Variants in HS6ST3 observed in about 807,000 individuals in gnomAD.
HS6ST3 encodes heparan-sulfate 6-O-sulfotransferase 3.
Under a neutral mutation model 36.7 loss-of-function variants are expected in HS6ST3, and 12 were observed. The ratio of observed to expected loss-of-function variants is 0.33; its 90% CI spans 0.21 to 0.53. The LOEUF is 0.53. Ranked by LOEUF, HS6ST3 falls within the 20% of genes least tolerant of loss-of-function variation. The pLI is 0.95. For synonymous variants in HS6ST3, 240 were observed against 257.5 expected, an observed-to-expected ratio of 0.93 and a Z score of 0.65; for missense variants, 584 against 640.9, an observed-to-expected ratio of 0.91 and a Z score of 0.96.
chr13:96,791,335 A>G (rs954852243), intron 1 of HS6ST3, among the ~76,000 whole-genome samples: 20 of 152,036 alleles, frequency 1.3e-4, no homozygotes, highest in African/African-American at 4.6e-4. Context: ...AACGATTAAT[A>G]TAAGTACCTA....
At chr13:96,703,254 C>T (rs543391458) in intron 1 of HS6ST3, among the ~76,000 whole-genome samples, 250 of 152,296 alleles carry the variant, frequency 1.6e-3, no homozygotes, top group African/African-American at 5.7e-3. Context: ...GATCTATTGA[C>T]GTCGGCATTG....
chr13:96,832,441 T>C (rs1024574682), intron 1 of HS6ST3, 49 bp from the exon 2 acceptor site: 4 of 1,359,436 alleles, frequency 2.9e-6, no homozygotes, highest in Non-Finnish European at 4.0e-6. Flanking sequence ...TTTAGATACC[T>C]CCTGTTAGAG....
chr13:96,093,472 C>G (rs1201811041), intron 1 of HS6ST3, among the ~76,000 whole-genome samples: 2 of 152,024 alleles, frequency 1.3e-5, no homozygotes, highest in Non-Finnish European at 2.9e-5. Context: ...AGTGTATGAT[C>G]AAGTTATTTT....
chr13:96,698,126 T>C (rs1225854193), intron 1 of HS6ST3, among the ~76,000 whole-genome samples: 3 of 152,222 alleles, frequency 2.0e-5, no homozygotes, highest in African/African-American at 4.8e-5. Flanking sequence ...ACATGTGCCA[T>C]GTTGGTGTGC....
At chr13:96,400,001 T>C (rs746265973) in intron 1 of HS6ST3, among the ~76,000 whole-genome samples, 3 of 152,202 alleles carry the variant, frequency 2.0e-5, no homozygotes, top group Non-Finnish European at 4.4e-5. Flanking sequence ...CTTATCATTT[T>C]CACTTCTAGG....
intron 1 of HS6ST3, among the ~76,000 whole-genome samples, chr13:96,250,140 A>T (rs1485204851): frequency 6.6e-6 from 1 of 152,212 alleles, no homozygotes; most frequent in Non-Finnish European, 1.5e-5. Context: ...AATTCTATAG[A>T]TAGAAGCTGT....
intron 1 of HS6ST3, among the ~76,000 whole-genome samples, chr13:96,160,942 C>T (rs145898656): frequency 6.6e-6 from 1 of 152,196 alleles, no homozygotes; most frequent in African/African-American, 2.4e-5. Flanking sequence ...AGAGGTAATT[C>T]CTGTTTGCTA....
chr13:96,424,443 A>G (rs2139470148), intron 1 of HS6ST3, among the ~76,000 whole-genome samples: 1 of 152,356 alleles, frequency 6.6e-6, no homozygotes, highest in South Asian at 2.1e-4. Context: ...CTTTTACATA[A>G]TGAATTTACA....
At chr13:96,393,618 A>T (rs2055406924) in intron 1 of HS6ST3, among the ~76,000 whole-genome samples, 1 of 152,218 alleles carries the variant, frequency 6.6e-6, no homozygotes, top group African/African-American at 2.4e-5. Flanking sequence ...AAAGAAGAGA[A>T]AGGTAAGCAC....
chr13:96,510,086 TTTTTATTTTATTTTATTTTATTTTA>T (rs150117554), intron 1 of HS6ST3, among the ~76,000 whole-genome samples: 2,873 of 141,674 alleles, frequency 0.02, 125 homozygotes, highest in East Asian at 0.099. Flanking sequence ...TTCCTAGGTA[TTTTTATTTTATTTTATTTTATTTTA>T]TTTTATTTTA....
chr13:96,103,378 G>A (rs1413240783), intron 1 of HS6ST3, among the ~76,000 whole-genome samples: 1 of 152,164 alleles, frequency 6.6e-6, no homozygotes, highest in Admixed American at 6.5e-5. Context: ...ATCATTTCCT[G>A]CCAACATATC....
chr13:96,247,823 T>C (rs2054591281), intron 1 of HS6ST3, among the ~76,000 whole-genome samples: 1 of 152,142 alleles, frequency 6.6e-6, no homozygotes, highest in Non-Finnish European at 1.5e-5. Flanking sequence ...CTAATGTACA[T>C]ACTGCATACA....
intron 1 of HS6ST3, among the ~76,000 whole-genome samples, chr13:96,105,909 A>G (rs1159722584): frequency 1.3e-5 from 2 of 152,184 alleles, no homozygotes; most frequent in African/African-American, 4.8e-5. Context: ...TTACATCACA[A>G]CATTTTAGTT....
chr13:96,201,433 A>G (rs929055390), intron 1 of HS6ST3, among the ~76,000 whole-genome samples: 15 of 152,296 alleles, frequency 9.8e-5, no homozygotes, highest in African/African-American at 3.6e-4. Context: ...AAATAGCAAC[A>G]TTAAAAAATT....
At chr13:96,494,394 G>A (rs1199541246) in intron 1 of HS6ST3, among the ~76,000 whole-genome samples, 3 of 127,040 alleles carry the variant, frequency 2.4e-5, no homozygotes, top group African/African-American at 8.8e-5. Flanking sequence ...GCCTGTTGTG[G>A]GGTGGGGGGA....
chr13:96,215,658 G>A (rs560929435), intron 1 of HS6ST3, among the ~76,000 whole-genome samples: 87 of 150,904 alleles, frequency 5.8e-4, no homozygotes, highest in Middle Eastern at 3.4e-3. Context: ...GAATTTTTTC[G>A]TTTTTTTTCC....
chr13:96,769,301 A>G (rs572787368), intron 1 of HS6ST3, among the ~76,000 whole-genome samples: 133 of 152,028 alleles, frequency 8.7e-4, no homozygotes, highest in Admixed American at 2.2e-3. Flanking sequence ...TTATTTATTT[A>G]TTTTTTTATT....
At chr13:96,203,143 C>T (rs1474268094) in intron 1 of HS6ST3, among the ~76,000 whole-genome samples, 3 of 152,170 alleles carry the variant, frequency 2.0e-5, no homozygotes, top group Non-Finnish European at 4.4e-5. Flanking sequence ...AAGATATAAA[C>T]ACGGCCCTAC....
At chr13:96,573,931 G>A (rs2056310670) in intron 1 of HS6ST3, 1 of 525,346 alleles carries the variant, frequency 1.9e-6, no homozygotes, top group African/African-American at 2.0e-5. Context: ...ATCCGGAGGT[G>A]ACTGCACAGA....
Sources: gnomAD v4.1 joint callset for allele counts (sites outside exome capture counted in the v4.1 genomes callset) on GRCh38, gnomAD v4.1.1 for gene constraint, MANE v1.5 for transcripts, NCBI Gene and HGNC (gene_info 2026-07-23, HGNC 2026-07-21) for gene names.